Variants in FARP1 observed in about 807,000 individuals in gnomAD.
FARP1 encodes the protein FERM, ARHGEF and pleckstrin domain-containing protein 1.
FARP1 carries 52 observed loss-of-function variants against 128.8 expected under a neutral mutation model. The observed-to-expected ratio is 0.40, with a 90% CI of 0.32 to 0.51. The LOEUF (loss-of-function observed/expected upper bound fraction) is 0.51. Among genes scored for constraint, FARP1 ranks in the 20% least tolerant of loss-of-function variants. The pLI is 0.45. For missense variants in FARP1, 1,333 were observed against 1,367.9 expected, an observed-to-expected ratio of 0.97 and a Z score of 0.40; for synonymous variants, 580 against 551.8, an observed-to-expected ratio of 1.05 and a Z score of -0.72.
chr13:98,242,159 A>G (rs1882807080), intron 2 of FARP1, among the ~76,000 whole-genome samples: 1 of 152,144 alleles, frequency 6.6e-6, no homozygotes, highest in Non-Finnish European at 1.5e-5. Context: ...CTATGTTTAG[A>G]TGGACCACCC....
rs1211443943 is a variant in FARP1, at chr13:98,357,674, T to C, written c.277-7721T>C. ...TAGAATAATTATTTTCATGTCCTTC[T>C]CTATGGAGTCTGTCATTCGTGTGAG... On this transcript the variant is annotated intron_variant, in intron 3 of 26. Coordinates refer to ENST00000319562, the MANE Select transcript of FARP1 (RefSeq NM_005766.4). Among the ~76,000 whole-genome samples, 8 of 152,212 alleles carry C rather than the reference T, an allele frequency of 5.3e-5. No homozygotes were observed. In the East Asian group the frequency reaches 1.3e-3, roughly 26 times the overall value.
intron 2 of FARP1, among the ~76,000 whole-genome samples, chr13:98,315,570 A>G (rs1198976893): frequency 6.6e-6 from 1 of 152,238 alleles, no homozygotes. Flanking sequence ...GTGGCCTTTC[A>G]TGAAAGTGCC....
chr13:98,416,750 G>A (rs74576016), intron 16 of FARP1, among the ~76,000 whole-genome samples: 2 of 152,204 alleles, frequency 1.3e-5, no homozygotes, highest in Non-Finnish European at 2.9e-5. Context: ...AAGGTGGCCA[G>A]CTGGGTTCCC....
intron 1 of FARP1, among the ~76,000 whole-genome samples, chr13:98,167,409 T>TC (rs1877343451): frequency 6.6e-6 from 1 of 150,594 alleles, no homozygotes; most frequent in African/African-American, 2.4e-5. Context: ...GTTTTACTTT[T>TC]TTTTTTTTTT....
At chr13:98,394,360 G>A (rs1454765056) in intron 12 of FARP1, among the ~76,000 whole-genome samples, 4 of 152,216 alleles carry the variant, frequency 2.6e-5, no homozygotes, top group Non-Finnish European at 2.9e-5. Flanking sequence ...CGTCCAGGCT[G>A]CCCTGAGAAG....
intron 2 of FARP1, among the ~76,000 whole-genome samples, chr13:98,325,312 G>A (rs546118040): frequency 1.3e-5 from 2 of 152,208 alleles, no homozygotes; most frequent in African/African-American, 4.8e-5. Flanking sequence ...TAATAAAACT[G>A]TTGTGTTTTC....
At chr13:98,444,195 CCTCTT>C (rs893320414) in intron 24 of FARP1, among the ~76,000 whole-genome samples, 10 of 152,270 alleles carry the variant, frequency 6.6e-5, no homozygotes, top group African/African-American at 2.4e-4. Flanking sequence ...ACTCTAATAT[CCTCTT>C]CTAAGGACAC....
rs58658962 is a variant in FARP1 at position 98,373,533 on chromosome 13, GACACACAC to G, written c.399-4246_399-4239del. Among the ~76,000 whole-genome samples, 660 of 131,054 alleles carry G rather than the reference GACACACAC, an allele frequency of 5.0e-3. 2 individuals carry two copies. The highest frequency in any genetic ancestry group is 7.4e-3 in the Admixed American group (96 of 12,886). The allele number at this position is 131,054 out of a possible 152,430, so 86.0% of individuals were successfully genotyped here. A position where few individuals can be genotyped will look rare whatever the true frequency, so the allele number is the denominator to read the frequency against. ...TTGACTTTCCAGAGACAGACAGACAGACACACACACACACACACACACACACACACACA... is the reference window on the plus strand; with the variant it reads ...TTGACTTTCCAGAGACAGACAGACAGACACACACACACACACACACACACA... On this transcript the variant is annotated intron_variant, in intron 5 of 26. Transcript: ENST00000319562.
intron 13 of FARP1, 45 bp from the exon 14 acceptor site, chr13:98,409,293 A>C (rs1315990065): frequency 1.1e-5 from 15 of 1,404,640 alleles, no homozygotes; most frequent in Non-Finnish European, 1.4e-5. Context: ...AGGTCCCAGA[A>C]AAAAATTACT....
At chr13:98,190,648 A>G (rs1879163342) in intron 1 of FARP1, among the ~76,000 whole-genome samples, 1 of 152,082 alleles carries the variant, frequency 6.6e-6, no homozygotes, top group South Asian at 2.1e-4. Flanking sequence ...CTGCAGTCTC[A>G]GCTCCTGGTC....
intron 24 of FARP1, among the ~76,000 whole-genome samples, chr13:98,441,131 C>T (rs1197595384): frequency 6.6e-6 from 1 of 152,144 alleles, no homozygotes; most frequent in African/African-American, 2.4e-5. Flanking sequence ...CGCCTGTTTT[C>T]TTGCCTCTCA....
intron 2 of FARP1, among the ~76,000 whole-genome samples, chr13:98,271,172 C>G (rs1884371509): frequency 6.6e-6 from 1 of 152,190 alleles, no homozygotes; most frequent in Admixed American, 6.5e-5. Context: ...AGAGTCTGCT[C>G]TGGCTTAGAC....
At chr13:98,410,593 G>T (rs982614256) in intron 14 of FARP1, 141 bp from the exon 15 acceptor site, 9 of 556,164 alleles carry the variant, frequency 1.6e-5, no homozygotes, top group Admixed American at 1.2e-4. Context: ...ACCCAAAAAG[G>T]AGAATAAGAA....
intron 12 of FARP1, among the ~76,000 whole-genome samples, chr13:98,394,961 T>A (rs1003676193): frequency 6.6e-6 from 1 of 152,084 alleles, no homozygotes; most frequent in Non-Finnish European, 1.5e-5. Context: ...AACCCCAGCA[T>A]GAGTCGGCGG....
At chr13:98,395,055 T>G (rs1890465301) in intron 12 of FARP1, among the ~76,000 whole-genome samples, 172 bp from the exon 13 acceptor site, 1 of 152,158 alleles carries the variant, frequency 6.6e-6, no homozygotes, top group Admixed American at 6.5e-5. Flanking sequence ...ACCTTCTGGA[T>G]CATGCCCAGA....
At chr13:98,445,008 C>T (rs1212443760) in intron 24 of FARP1, 1 of 152,852 alleles carries the variant, frequency 6.5e-6, no homozygotes, top group East Asian at 1.9e-4. Flanking sequence ...GCCCTTTCTC[C>T]CCGTCTGCGG....
chr13:98,241,616 CA>C (rs1882777994), intron 2 of FARP1, among the ~76,000 whole-genome samples: 1 of 152,208 alleles, frequency 6.6e-6, no homozygotes, highest in East Asian at 1.9e-4. Context: ...GTCGTCTCTA[CA>C]AAAAACTTTA....
chr13:98,414,194 T>G (rs1464141716), intron 16 of FARP1, among the ~76,000 whole-genome samples: 2 of 151,862 alleles, frequency 1.3e-5, no homozygotes, highest in Non-Finnish European at 2.9e-5. Context: ...TCCCAGAGGG[T>G]TTTCAGTAGA....
intron 2 of FARP1, among the ~76,000 whole-genome samples, chr13:98,313,816 C>T (rs941700241): frequency 2.6e-5 from 4 of 152,246 alleles, no homozygotes; most frequent in African/African-American, 9.6e-5. Flanking sequence ...CAGCCGCCTC[C>T]TCATCTCGGC....
Sources: gnomAD v4.1 joint callset for allele counts (sites outside exome capture counted in the v4.1 genomes callset) on GRCh38, gnomAD v4.1.1 for gene constraint, MANE v1.5 for transcripts, NCBI Gene and HGNC (gene_info 2026-07-23, HGNC 2026-07-21) for gene names.